The following MCF2L2 variants were observed in gnomAD, a reference collection of about 807,000 sequenced individuals.
The protein encoded by MCF2L2 is probable guanine nucleotide exchange factor MCF2L2.
A neutral mutation model predicts 150.2 loss-of-function variants in MCF2L2; 102 were observed. The observed-to-expected ratio is 0.68, with a 90% confidence interval of 0.58 to 0.80. The LOEUF (loss-of-function observed/expected upper bound fraction) is 0.80. MCF2L2 is among the 30% of genes least tolerant of loss of function. MCF2L2 has a pLI of 0.00. For missense variants in MCF2L2, 1,256 were observed against 1,372.8 expected (o/e 0.91, Z 1.34); for synonymous variants, 465 against 491.3 (o/e 0.95, Z 0.71).
At chr3:183,221,769 C>T (rs150872622) in intron 20 of MCF2L2, among the ~76,000 whole-genome samples, 84 of 152,302 alleles carry the variant, frequency 5.5e-4, no homozygotes, top group African/African-American at 1.9e-3. Flanking sequence ...TCATTATCCT[C>T]ATTTCTATGG....
intron 1 of MCF2L2, among the ~76,000 whole-genome samples, chr3:183,393,396 T>C (rs1395243503): frequency 6.6e-6 from 1 of 152,024 alleles, no homozygotes; most frequent in Non-Finnish European, 1.5e-5. Flanking sequence ...TTTCTCCATG[T>C]TGGTCAGGCT....
chr3:183,393,215 T>TG (rs1714263289), intron 1 of MCF2L2, among the ~76,000 whole-genome samples: 1 of 134,844 alleles, frequency 7.4e-6, no homozygotes, highest in Admixed American at 7.5e-5. Flanking sequence ...TTTTTTAAGG[T>TG]GGAGTTTCGC....
In MCF2L2 at chr3:183,305,030, ATGCTTTAC is replaced by A. The variant is rs1363271884; in HGVS notation, c.1113+4678_1113+4685del. On this transcript the variant is annotated intron_variant, in intron 10 of 29. Transcript: ENST00000328913. The surrounding 1 kb of genome is among the most constrained non-coding windows in gnomAD (Gnocchi z 4.1). Reference sequence around the variant, plus strand: ...TAACAGATGCCAGGCACTGTTCTGAATGCTTTACATTTGCTTATTTCCTTAACTCTTCA... The same window carrying A: ...TAACAGATGCCAGGCACTGTTCTGAAATTTGCTTATTTCCTTAACTCTTCA... Among the ~76,000 whole-genome samples the A allele has an allele frequency of 1.3e-5, 2 of 152,190 alleles. No homozygotes were observed. The highest frequency in any genetic ancestry group is 2.9e-5 in the Non-Finnish European group (2 of 68,032).
chr3:183,428,117 G>C lies in MCF2L2; in HGVS notation c.-140C>G. ...CTGGCTCTCCAGGCAAGAAACGAGAGTCCCTCGCAGCCTAGGCCAGCTCTC... is the reference window on the plus strand; with the variant it reads ...CTGGCTCTCCAGGCAAGAAACGAGACTCCCTCGCAGCCTAGGCCAGCTCTC... On this transcript the variant is annotated 5_prime_UTR_variant, in exon 1 of 30. Coordinates refer to ENST00000328913, the MANE Select transcript of MCF2L2 (RefSeq NM_015078.4). This position sits in a 1 kb window ranked among gnomAD's most constrained non-coding sequence, Gnocchi z 5.1. 1 of 672,848 alleles carries C rather than the reference G, an allele frequency of 1.5e-6. No homozygotes were observed. The highest frequency in any genetic ancestry group is 1.7e-5 in the South Asian group (1 of 57,914). 41.7% of individuals were successfully genotyped at this position (672,848 alleles called of 1,614,324 possible). A position where few individuals can be genotyped will look rare whatever the true frequency, so the allele number is the denominator to read the frequency against.
intron 3 of MCF2L2, among the ~76,000 whole-genome samples, chr3:183,348,783 CATAAAT>C (rs1431754279): frequency 4.0e-5 from 6 of 150,106 alleles, no homozygotes; most frequent in African/African-American, 9.8e-5. Flanking sequence ...ATAAGTTATT[CATAAAT>C]ATAAAAGGGC....
At chr3:183,311,618 G>A in intron 8 of MCF2L2, 30 bp downstream of exon 8, 1 of 1,612,786 alleles carries the variant, frequency 6.2e-7, no homozygotes, top group East Asian at 2.2e-5. Context: ...ATTCTCTCCT[G>A]AAAAGGCTGA....
intron 3 of MCF2L2, among the ~76,000 whole-genome samples, chr3:183,346,940 C>G (rs572916178): frequency 7.2e-5 from 11 of 152,268 alleles, no homozygotes; most frequent in African/African-American, 2.6e-4. Context: ...ATTCCATGCT[C>G]ATGGATAGGA....
chr3:183,272,636 T>C (rs1726873920), intron 15 of MCF2L2: 3 of 1,000,646 alleles, frequency 3.0e-6, no homozygotes, highest in Admixed American at 1.2e-4. Context: ...ACTTTCAGAG[T>C]AGATACAGGG....
intron 25 of MCF2L2, among the ~76,000 whole-genome samples, chr3:183,198,671 C>T (rs1722155012): frequency 6.6e-6 from 1 of 152,146 alleles, no homozygotes; most frequent in African/African-American, 2.4e-5. Context: ...TGTATGTCCC[C>T]AGGACTAACC....
chr3:183,288,964 A>G (rs1165010379), intron 14 of MCF2L2, among the ~76,000 whole-genome samples, 156 bp downstream of exon 14: 1 of 152,344 alleles, frequency 6.6e-6, no homozygotes, highest in South Asian at 2.1e-4. Context: ...TGAAAAGAAA[A>G]AAAATCCTAT....
At chr3:183,405,523 T>A (rs543563113) in intron 1 of MCF2L2, among the ~76,000 whole-genome samples, 1 of 152,340 alleles carries the variant, frequency 6.6e-6, no homozygotes, top group African/African-American at 2.4e-5. Context: ...TCCTATAGTT[T>A]TACCTTTTCC....
At chr3:183,277,129 T>C (rs1407661640) in intron 14 of MCF2L2, among the ~76,000 whole-genome samples, 172 bp from the exon 15 acceptor site, 4 of 152,186 alleles carry the variant, frequency 2.6e-5, no homozygotes, top group African/African-American at 9.7e-5. Context: ...GGATCCATTA[T>C]GGTTTGCCCT....
chr3:183,326,217 C>T (rs1462718859), intron 5 of MCF2L2, among the ~76,000 whole-genome samples: 2 of 152,020 alleles, frequency 1.3e-5, no homozygotes, highest in African/African-American at 4.8e-5. Flanking sequence ...AGAGGCTGGG[C>T]GCAGTGACTC....
chr3:183,401,907 G>A (rs1030166308), intron 1 of MCF2L2, among the ~76,000 whole-genome samples: 4 of 152,194 alleles, frequency 2.6e-5, no homozygotes, highest in African/African-American at 9.7e-5. Flanking sequence ...AAAGGCCTGT[G>A]TGTAGACATG....
chr3:183,224,205 AT>A lies in MCF2L2; in HGVS notation c.2116-16del. On this transcript the variant is annotated splice_polypyrimidine_tract_variant and intron_variant, in intron 18 of 29. Transcript: ENST00000328913. ...AGATCTTCTTTCTAGGTGGGAAAAAATTAGAATAAATTAATCAGGCAGCATT... is the reference window on the plus strand; with the variant it reads ...AGATCTTCTTTCTAGGTGGGAAAAAATAGAATAAATTAATCAGGCAGCATT... The A allele has an allele frequency of 6.6e-7, 1 of 1,526,028 alleles. No individual in the cohort carries two copies. Among genetic ancestry groups the A allele is most frequent in the Non-Finnish European group, 9.1e-7 (1 of 1,100,342 alleles). 94.5% of individuals were successfully genotyped at this position (1,526,028 alleles called of 1,614,324 possible).
intron 27 of MCF2L2, among the ~76,000 whole-genome samples, chr3:183,191,290 C>G (rs1172715915): frequency 6.6e-6 from 1 of 152,218 alleles, no homozygotes; most frequent in Non-Finnish European, 1.5e-5. Context: ...CACCATCCCC[C>G]ACCAGAGAGG....
At chr3:183,292,828 T>C (rs1253891200) in intron 13 of MCF2L2, among the ~76,000 whole-genome samples, 1 of 152,246 alleles carries the variant, frequency 6.6e-6, no homozygotes, top group Non-Finnish European at 1.5e-5. Flanking sequence ...AGGATGCATA[T>C]GGTAATCCCC....
Position 183,389,651 on chromosome 3 carries a change from A to G in MCF2L2, c.160+45T>C, listed in dbSNP as rs780123276. ...CAAGAGGCTGGACCTTCCCATCAAG[A>G]CCCCCCCATCAAAATCTGGAAATGC... On this transcript the variant is annotated intron_variant, in intron 2 of 29. Transcript: ENST00000328913. The G allele has an allele frequency of 6.6e-6, 10 of 1,510,160 alleles. No individual in the cohort carries two copies. The African/African-American group carries it at 1.1e-4, about 17-fold the overall frequency. 93.5% of individuals were successfully genotyped at this position (1,510,160 alleles called of 1,614,324 possible).
At chr3:183,336,145 T>G (rs1307593385) in intron 5 of MCF2L2, among the ~76,000 whole-genome samples, 1 of 152,170 alleles carries the variant, frequency 6.6e-6, no homozygotes, top group Admixed American at 6.5e-5. Flanking sequence ...CAAACTAAGG[T>G]AATACATACA....
Sources: gnomAD v4.1 joint callset for allele counts (sites outside exome capture counted in the v4.1 genomes callset) on GRCh38, gnomAD v4.1.1 for gene constraint, Gnocchi (gnomAD v3.1) non-coding constraint, MANE v1.5 for transcripts, NCBI Gene and HGNC (gene_info 2026-07-23, HGNC 2026-07-21) for gene names.